ATRN: variants seen among roughly 807,000 people sequenced by gnomAD.
ATRN encodes the protein attractin-2.
Under a neutral mutation model 178.7 loss-of-function variants are expected in ATRN, and 54 were observed. The observed-to-expected ratio is 0.30, with a 90% confidence interval of 0.24 to 0.38. The LOEUF (loss-of-function observed/expected upper bound fraction) is 0.38, where lower values mean the gene tolerates loss of function less well. Ranked by LOEUF, ATRN falls within the 10% of genes least tolerant of loss-of-function variation. ATRN has a pLI of 1.00. For synonymous variants in ATRN, 636 were observed against 663.0 expected, an observed-to-expected ratio of 0.96 and a Z score of 0.63; for missense variants, 1,443 against 1,815.1, an observed-to-expected ratio of 0.79 and a Z score of 3.73.
intron 11 of ATRN, 79 bp from the exon 12 acceptor site, chr20:3,572,652 T>TAAAA: frequency 1.9e-6 from 2 of 1,035,922 alleles, no homozygotes; most frequent in Non-Finnish European, 2.7e-6. Context: ...CCCTGTCTCT[T>TAAAA]AAAAAAAAAA....
At chr20:3,585,119 G>A (rs2086339952) in intron 18 of ATRN, among the ~76,000 whole-genome samples, 1 of 152,162 alleles carries the variant, frequency 6.6e-6, no homozygotes, top group Admixed American at 6.5e-5. Flanking sequence ...ATTCAGACTT[G>A]AAGTGACCAC....
At chr20:3,604,343 G>A in intron 24 of ATRN, 81 bp downstream of exon 24, 7 of 1,450,292 alleles carry the variant, frequency 4.8e-6, no homozygotes, top group South Asian at 1.4e-5. Context: ...TTTGGAGCTT[G>A]TGGTAAATGA....
At chr20:3,646,254 G>C (rs2087107178) in intron 28 of ATRN, among the ~76,000 whole-genome samples, 1 of 152,184 alleles carries the variant, frequency 6.6e-6, no homozygotes, top group South Asian at 2.1e-4. Context: ...CTGAGTGATA[G>C]GGGTGAATCT....
intron 1 of ATRN, among the ~76,000 whole-genome samples, chr20:3,488,283 G>T (rs1427064287): frequency 6.6e-6 from 1 of 152,042 alleles, no homozygotes; most frequent in Admixed American, 6.6e-5. Flanking sequence ...AGATCGTGGA[G>T]ATATTCTTCT....
intron 11 of ATRN, among the ~76,000 whole-genome samples, chr20:3,571,561 C>CTT (rs5839999): frequency 7.0e-6 from 1 of 142,624 alleles, no homozygotes; most frequent in African/African-American, 2.6e-5. Context: ...ATTTTTTGTG[C>CTT]TTTTTTTTTT....
At chr20:3,503,991 A>G (rs1041005470) in intron 1 of ATRN, among the ~76,000 whole-genome samples, 1 of 152,204 alleles carries the variant, frequency 6.6e-6, no homozygotes, top group Non-Finnish European at 1.5e-5. Flanking sequence ...TATAGGGAAC[A>G]CCAATTCAAA....
intron 15 of ATRN, among the ~76,000 whole-genome samples, chr20:3,581,269 G>A (rs1023693365): frequency 2.6e-5 from 4 of 152,130 alleles, no homozygotes; most frequent in Admixed American, 1.3e-4. Flanking sequence ...AGCAAAGGGA[G>A]GGAAATACAG....
At chr20:3,603,097 C>T (rs1192480715) in intron 23 of ATRN, among the ~76,000 whole-genome samples, 6 of 151,002 alleles carry the variant, frequency 4.0e-5, no homozygotes, top group Admixed American at 4.0e-4. Context: ...TCTTTATCGG[C>T]ACTTGAATTC....
chr20:3,593,483 G>A (rs992813940), intron 19 of ATRN, among the ~76,000 whole-genome samples: 2 of 152,142 alleles, frequency 1.3e-5, no homozygotes, highest in Non-Finnish European at 2.9e-5. Context: ...CTGAAACTCA[G>A]AAAGGTTAAG....
chr20:3,610,427 T>C (rs1487654689), intron 24 of ATRN, among the ~76,000 whole-genome samples: 1 of 152,126 alleles, frequency 6.6e-6, no homozygotes, highest in African/African-American at 2.4e-5. Context: ...GATTTGATTT[T>C]GTTTGTGGTG....
chr20:3,488,939 A>G (rs1178208043), intron 1 of ATRN, among the ~76,000 whole-genome samples: 1 of 150,954 alleles, frequency 6.6e-6, no homozygotes, highest in Non-Finnish European at 1.5e-5. Context: ...TCTTTCCAAG[A>G]TATTTGATGT....
chr20:3,627,658 G>A (rs1026805937), intron 25 of ATRN, among the ~76,000 whole-genome samples: 2 of 152,100 alleles, frequency 1.3e-5, no homozygotes, highest in Non-Finnish European at 2.9e-5. Context: ...TCCCGCAGAC[G>A]TTTTTTTCCT....
Position 3,645,217 on chromosome 20 carries a change from C to G in ATRN, c.4165+949C>G, listed in dbSNP as rs1322042680. ...CTGGTGGAAAGGCTGCCCCAGGATACTGGTCCAGGCCCTGAGCTCCACTGT... is the reference window on the plus strand; with the variant it reads ...CTGGTGGAAAGGCTGCCCCAGGATAGTGGTCCAGGCCCTGAGCTCCACTGT... On this transcript the variant is annotated intron_variant, in intron 28 of 28. Coordinates refer to ENST00000262919, the MANE Select transcript of ATRN (RefSeq NM_139321.3). The surrounding 1 kb of genome is among the most constrained non-coding windows in gnomAD (Gnocchi z 4.7). Among the ~76,000 whole-genome samples, 1 of 152,228 alleles carries G rather than the reference C, an allele frequency of 6.6e-6. No individual in the cohort carries two copies. The highest frequency in any genetic ancestry group is 1.5e-5 in the Non-Finnish European group (1 of 68,036).
At chr20:3,639,666 G>A (rs1420975815) in intron 27 of ATRN, among the ~76,000 whole-genome samples, 1 of 152,096 alleles carries the variant, frequency 6.6e-6, no homozygotes, top group Non-Finnish European at 1.5e-5. Context: ...TGAAGAAAAT[G>A]GTAAGACTTT....
intron 1 of ATRN, among the ~76,000 whole-genome samples, chr20:3,499,561 C>A (rs1195796021): frequency 6.6e-6 from 1 of 151,570 alleles, no homozygotes; most frequent in African/African-American, 2.4e-5. Flanking sequence ...TTTGACAAAC[C>A]TGAGAAAAAC....
chr20:3,515,037 T>TG (rs1448022648), intron 1 of ATRN, among the ~76,000 whole-genome samples: 5 of 152,188 alleles, frequency 3.3e-5, no homozygotes, highest in Non-Finnish European at 7.3e-5. Flanking sequence ...TCACACTGTG[T>TG]GGGGAAATAC....
chr20:3,475,645 T>C (rs2084516792), intron 1 of ATRN, among the ~76,000 whole-genome samples: 1 of 152,242 alleles, frequency 6.6e-6, no homozygotes, highest in South Asian at 2.1e-4. Flanking sequence ...AGGATAAATA[T>C]GCCCATAGGA....
At chr20:3,624,278 T>G (rs2086919565) in intron 24 of ATRN, among the ~76,000 whole-genome samples, 1 of 152,202 alleles carries the variant, frequency 6.6e-6, no homozygotes, top group Non-Finnish European at 1.5e-5. Flanking sequence ...AGAACTGGTG[T>G]GAAGCTTAGA....
chr20:3,566,708 A>T (rs1555817648), intron 11 of ATRN, among the ~76,000 whole-genome samples: 3 of 151,996 alleles, frequency 2.0e-5, no homozygotes. Context: ...GTTCCAGACC[A>T]CCCTGGTCAA....
Sources: gnomAD v4.1 joint callset for allele counts (sites outside exome capture counted in the v4.1 genomes callset) on GRCh38, gnomAD v4.1.1 for gene constraint, Gnocchi (gnomAD v3.1) non-coding constraint, MANE v1.5 for transcripts, NCBI Gene and HGNC (gene_info 2026-07-23, HGNC 2026-07-21) for gene names.